The following CXADR variants were observed in gnomAD, a reference collection of about 807,000 sequenced individuals.
CXADR encodes the protein CXADR cell adhesion molecule.
CXADR carries 20 observed loss-of-function variants against 40.3 expected under a neutral mutation model. That is an observed-to-expected ratio of 0.50 (90% CI 0.35 to 0.72). CXADR has a LOEUF of 0.72. Ranked by LOEUF, CXADR falls within the 30% of genes least tolerant of loss-of-function variation. CXADR has a pLI of 0.01. For missense variants in CXADR, 332 were observed against 449.1 expected (o/e 0.74, Z 2.36); for synonymous variants, 150 against 161.3 (o/e 0.93, Z 0.53).
At chr21:17,526,567 G>A (rs1482792796) in intron 1 of CXADR, among the ~76,000 whole-genome samples, 1 of 152,162 alleles carries the variant, frequency 6.6e-6, no homozygotes, top group Non-Finnish European at 1.5e-5. Context: ...AATGGCCCCA[G>A]GTAATGGTTG....
chr21:17,528,375 G>A (rs2060625666), intron 1 of CXADR, among the ~76,000 whole-genome samples: 1 of 146,946 alleles, frequency 6.8e-6, no homozygotes, highest in East Asian at 2.1e-4. Flanking sequence ...CGCCCGGCAT[G>A]CTTAGTTCTT....
the CXADR span, among the ~76,000 whole-genome samples, chr21:17,608,543 C>T: frequency 2.6e-5 from 4 of 151,868 alleles, no homozygotes; most frequent in Non-Finnish European, 5.9e-5. Flanking sequence ...AATCTTAGTT[C>T]CCTTTTTCCA....
At chr21:17,552,047 AT>A in intron 3 of CXADR, 94 bp downstream of exon 3, 1 of 883,056 alleles carries the variant, frequency 1.1e-6, no homozygotes, top group Non-Finnish European at 1.8e-6. Context: ...ATAAAGCTTA[AT>A]TTTTTAGAAT....
At chr21:17,514,637 CT>C (rs770582854) in intron 1 of CXADR, among the ~76,000 whole-genome samples, 2,084 of 140,818 alleles carry the variant, frequency 0.015, 14 homozygotes, top group African/African-American at 0.016. Context: ...TGTGGAGGAA[CT>C]TTTTTTTTTT....
At chr21:17,550,365 A>AAG (rs1018990454) in intron 2 of CXADR, among the ~76,000 whole-genome samples, 1 of 151,324 alleles carries the variant, frequency 6.6e-6, no homozygotes, top group African/African-American at 2.4e-5. Flanking sequence ...AAAAAAAAAA[A>AAG]AAGATCTTTG....
the CXADR span, among the ~76,000 whole-genome samples, chr21:17,616,200 G>A: frequency 6.6e-6 from 1 of 151,592 alleles, no homozygotes; most frequent in Non-Finnish European, 1.5e-5. Flanking sequence ...GCAGTGAACT[G>A]AGATCATCGT....
intron 3 of CXADR, among the ~76,000 whole-genome samples, chr21:17,557,016 G>A (rs2849899): frequency 0.63 from 96,250 of 152,038 alleles, 30,929 homozygotes; most frequent in East Asian, 0.77. Context: ...GTGTTCACAT[G>A]AGTGTTCAAG....
At chr21:17,591,515 TAA>T (rs1360531619) in intron 7 of CXADR, among the ~76,000 whole-genome samples, 1 of 152,028 alleles carries the variant, frequency 6.6e-6, no homozygotes, top group Non-Finnish European at 1.5e-5. Context: ...AGAAGTTTAC[TAA>T]AAAGTTAAAT....
At chr21:17,591,331 T>C (rs1012345237) in intron 7 of CXADR, among the ~76,000 whole-genome samples, 1 of 152,002 alleles carries the variant, frequency 6.6e-6, no homozygotes, top group African/African-American at 2.4e-5. Context: ...GTAATAAAAA[T>C]TAAAAAAATT....
At chr21:17,516,453 A>G (rs771878005) in intron 1 of CXADR, among the ~76,000 whole-genome samples, 1 of 152,224 alleles carries the variant, frequency 6.6e-6, no homozygotes, top group African/African-American at 2.4e-5. Context: ...TGAGGACACT[A>G]GTTTCTCCAG....
Position 17,568,364 on chromosome 21 carries a change from G to A in CXADR, c.*2672G>A, listed in dbSNP as rs904459152. ...AGGATGGTCTCGATCTCCTGACCTC[G>A]TGATCTGCCTGCCTCGGCCTCCCAA... is the stretch of plus-strand genomic sequence containing the variant. On this transcript the variant is annotated 3_prime_UTR_variant, in exon 7 of 7. Transcript: ENST00000284878. The A allele has an allele frequency of 6.5e-5, 59 of 903,402 alleles. 1 individual carries two copies. The highest frequency in any genetic ancestry group is 5.3e-4 in the African/African-American group (29 of 55,172). 56.0% of individuals were successfully genotyped at this position (903,402 alleles called of 1,614,324 possible).
chr21:17,612,844 G>C, the CXADR span: 1 of 152,142 alleles, frequency 6.6e-6, no homozygotes, highest in Non-Finnish European at 1.5e-5. Flanking sequence ...CTCCCGCGTC[G>C]TCGGGCGGCC....
intron 4 of CXADR, among the ~76,000 whole-genome samples, chr21:17,560,292 G>A (rs2061098402): frequency 6.6e-6 from 1 of 152,166 alleles, no homozygotes; most frequent in Admixed American, 6.5e-5. Flanking sequence ...CAATCTGGGA[G>A]TCCTCTTCTG....
In CXADR at chr21:17,565,639, G is replaced by A; in HGVS notation, c.1045G>A (p.Gly349Ser). The A allele has an allele frequency of 2.5e-6, 4 of 1,612,130 alleles. No individual in the cohort carries two copies. The highest frequency in any genetic ancestry group is 2.5e-6 in the Non-Finnish European group (3 of 1,179,842). ...AGCTGCCCCTAATCTAAGTCGAATG[G>A]GTGCGATTCCTGTGATGATTCCAGC... ...KVAAPNLSRM[G>S]AIPVMIPAQS... The change falls in exon 7 of 7, where the codon GGT becomes AGT. Residue 349 changes from glycine (G) to serine (S), a missense_variant. By Grantham distance (56) the Gly-to-Ser change is moderately conservative. Coordinates refer to ENST00000284878, the MANE Select transcript of CXADR (RefSeq NM_001338.5).
chr21:17,605,119 A>C, the CXADR span: 1 of 1,113,950 alleles, frequency 9.0e-7, no homozygotes, highest in Non-Finnish European at 1.2e-6. Flanking sequence ...CTGGTAGAGA[A>C]CCTAGGAGCA....
intron 3 of CXADR, among the ~76,000 whole-genome samples, chr21:17,557,311 C>CT (rs1241819685): frequency 6.6e-6 from 1 of 152,196 alleles, no homozygotes; most frequent in Non-Finnish European, 1.5e-5. Context: ...CCATCCTTTA[C>CT]TGGAATACTC....
chr21:17,559,668 G>GTTTTTTT lies in CXADR; in HGVS notation c.571+537_571+538insTTTTTTT, dbSNP rs1491548660. Among the ~76,000 whole-genome samples the GTTTTTTT allele has an allele frequency of 1.9e-5, 2 of 106,208 alleles. 1 individual carries two copies. Among genetic ancestry groups the GTTTTTTT allele is most frequent in the Non-Finnish European group, 3.7e-5 (2 of 54,134 alleles). 69.7% of individuals were successfully genotyped at this position (106,208 alleles called of 152,430 possible). A position where few individuals can be genotyped will look rare whatever the true frequency, so the allele number is the denominator to read the frequency against. On this transcript the variant is annotated intron_variant, in intron 4 of 6. Transcript: ENST00000284878. Reference sequence around the variant, plus strand: ...TTAGTTACTTTGGTACTTTTTTTTGGGTTTTTTTTTTTTTTTTTTTTTTCC... The same window carrying GTTTTTTT: ...TTAGTTACTTTGGTACTTTTTTTTGGTTTTTTTGTTTTTTTTTTTTTTTTTTTTTTCC...
At chr21:17,629,960 T>C in the CXADR span, among the ~76,000 whole-genome samples, 1 of 152,236 alleles carries the variant, frequency 6.6e-6, no homozygotes, top group Admixed American at 6.5e-5. Flanking sequence ...ATTTTATTTA[T>C]GGCTATCAAG....
chr21:17,581,808 CA>C (rs34686706), intron 7 of CXADR, among the ~76,000 whole-genome samples: 151,562 of 151,562 alleles, frequency 1, 75,781 homozygotes, highest in Non-Finnish European at 1. Context: ...GACAACACTG[CA>C]ACTCCAGCCT....
Sources: gnomAD v4.1 joint callset for allele counts (sites outside exome capture counted in the v4.1 genomes callset) on GRCh38, gnomAD v4.1.1 for gene constraint, MANE v1.5 for transcripts, NCBI Gene and HGNC (gene_info 2026-07-23, HGNC 2026-07-21) for gene names.